The following INTS5 variants were observed in gnomAD, a reference collection of about 807,000 sequenced individuals.
INTS5 encodes KIAA1698.
A neutral mutation model predicts 60.0 loss-of-function variants in INTS5; 29 were observed. The ratio of observed to expected loss-of-function variants is 0.48; its 90% confidence interval spans 0.36 to 0.66. INTS5 has a LOEUF of 0.66. Ranked by LOEUF, INTS5 falls within the 30% of genes least tolerant of loss-of-function variation. The pLI, the probability that INTS5 is intolerant of heterozygous loss-of-function variation, is 0.00. For synonymous variants in INTS5, 588 were observed against 558.8 expected (o/e 1.05, Z -0.74); for missense variants, 1,129 against 1,307.9 (o/e 0.86, Z 2.11).
Position 62,649,172 on chromosome 11 carries a change from G to A in INTS5, c.908C>T (p.Ser303Phe). Residue 303 changes from serine (S) to phenylalanine (F), a missense_variant, in exon 2 of 2, where the codon TCC becomes TTC. Physicochemically the swap from Ser to Phe is radical, Grantham distance 155. Coordinates refer to ENST00000330574, the MANE Select transcript of INTS5 (RefSeq NM_030628.2). This position sits in a 1 kb window ranked among gnomAD's most constrained non-coding sequence, Gnocchi z 6.0. ...CCGTCGGATGCTATCTCCGTGGCGG[G>A]AGGCCAGGTGACCTAGGATGCCTAC... is the stretch of plus-strand genomic sequence containing the variant. ...SVVGILGHLASRHGDSIRREL... is the reference protein window; with the variant it reads ...SVVGILGHLAFRHGDSIRREL... The A allele has an allele frequency of 1.2e-6, 2 of 1,613,870 alleles. No homozygotes were observed. The highest frequency in any genetic ancestry group is 1.7e-6 in the Non-Finnish European group (2 of 1,179,778).
At position 62,649,856 on chromosome 11, in the gene INTS5, T is replaced by C; in HGVS notation, c.224A>G (p.Asp75Gly). 6.2e-7 allele frequency: 1 copy of C among 1,614,052 alleles called. No individual in the cohort carries two copies. The highest frequency in any genetic ancestry group is 8.5e-7 in the Non-Finnish European group (1 of 1,180,008). ...CTCATCAAAGACACCTCTCAAGTGG[T>C]CAAGCACAGCAGCCCGAGCAGGTGG... ...SLPPARAAVLDHLRGVFDESV... is the reference protein window; with the variant it reads ...SLPPARAAVLGHLRGVFDESV... Residue 75 changes from aspartate (D) to glycine (G), a missense_variant, in exon 2 of 2, where the codon GAC becomes GGC. Asp to Gly is a moderately conservative substitution (Grantham distance 94, BLOSUM62 -1). This residue lies in a region of INTS5 where 1,070 missense variants were observed against 1,246.1 expected (regional missense o/e 0.86). Coordinates refer to ENST00000330574, the MANE Select transcript of INTS5 (RefSeq NM_030628.2). The surrounding 1 kb of genome is among the most constrained non-coding windows in gnomAD (Gnocchi z 6.0).
intron 1 of INTS5, among the ~76,000 whole-genome samples, chr11:62,652,639 G>C (rs899769733): frequency 6.6e-6 from 1 of 152,078 alleles, no homozygotes; most frequent in African/African-American, 2.4e-5. Context: ...AGTCTCAGAG[G>C]TTCAGAAGCC....
In INTS5 at chr11:62,649,459, C is replaced by G; in HGVS notation, c.621G>C (p.Ala207=). ...LSALIGSCPD[A]CVDALLDTSV... is the part of the protein sequence containing the mutation. ...AGGTATCCAGCAAGGCATCCACACA[C>G]GCATCTGGGCAGCTACCAATGAGAG... is the stretch of plus-strand genomic sequence containing the variant. Residue 207 remains alanine (A), a synonymous_variant, in exon 2 of 2, where the codon GCG becomes GCC. Coordinates refer to ENST00000330574, the MANE Select transcript of INTS5 (RefSeq NM_030628.2). This position sits in a 1 kb window ranked among gnomAD's most constrained non-coding sequence, Gnocchi z 6.0. 2 of 1,614,212 alleles carry G rather than the reference C, an allele frequency of 1.2e-6. No homozygotes were observed. Among genetic ancestry groups the G allele is most frequent in the Non-Finnish European group, 1.7e-6 (2 of 1,180,032 alleles).
At chr11:62,651,260 G>A (rs1036706975) in intron 1 of INTS5, among the ~76,000 whole-genome samples, 15 of 151,702 alleles carry the variant, frequency 9.9e-5, no homozygotes, top group Admixed American at 6.6e-4. Context: ...ACAGGCGCCC[G>A]CCACCACGCC....
In INTS5 at chr11:62,649,521, G is replaced by A. The variant is rs746468648; in HGVS notation, c.559C>T (p.Arg187Cys). 14 of 1,614,082 alleles carry A rather than the reference G, an allele frequency of 8.7e-6. No homozygotes were observed. Among genetic ancestry groups the A allele is most frequent in the African/African-American group, 6.7e-5 (5 of 74,934 alleles). The change falls in exon 2 of 2, where the codon CGT (arginine) becomes TGT (cysteine). Residue 187 changes from arginine (R) to cysteine (C), a missense_variant. Coordinates refer to ENST00000330574, the MANE Select transcript of INTS5 (RefSeq NM_030628.2). The surrounding 1 kb of genome is among the most constrained non-coding windows in gnomAD (Gnocchi z 6.0). ...TGCACATAGATGTCCATTAATGTACGCGTGGCCCTACAACCCATCCACAGC... is the reference window on the plus strand; with the variant it reads ...TGCACATAGATGTCCATTAATGTACACGTGGCCCTACAACCCATCCACAGC... ...LQLWMGCRAT[R>C]TLMDIYVQCL...
chr11:62,649,262 G>A lies in INTS5; in HGVS notation c.818C>T (p.Thr273Ile). ...SGGSSSQTPS[T>I]DPFPGSPAIP... Reference sequence around the variant, plus strand: ...GGCAGGAGATCCAGGGAAGGGGTCTGTAGAGGGGGTCTGAGAAGAGCTTCC... The same window carrying A: ...GGCAGGAGATCCAGGGAAGGGGTCTATAGAGGGGGTCTGAGAAGAGCTTCC... Residue 273 changes from threonine (T) to isoleucine (I), a missense_variant, in exon 2 of 2, where the codon ACA becomes ATA. Thr to Ile is a moderately conservative substitution (Grantham distance 89). Around this residue, in one of 3 missense-constraint regions of INTS5, gnomAD observed 1,070 missense variants for 1,246.1 expected, o/e 0.86. Coordinates refer to ENST00000330574, the MANE Select transcript of INTS5 (RefSeq NM_030628.2). This position sits in a 1 kb window ranked among gnomAD's most constrained non-coding sequence, Gnocchi z 6.0. 1 of 1,614,136 alleles carries A rather than the reference G, an allele frequency of 6.2e-7. No individual in the cohort carries two copies. Among genetic ancestry groups the A allele is most frequent in the Non-Finnish European group, 8.5e-7 (1 of 1,180,006 alleles).
chr11:62,652,303 G>T (rs1046933231), intron 1 of INTS5, among the ~76,000 whole-genome samples: 11 of 151,722 alleles, frequency 7.3e-5, no homozygotes, highest in Non-Finnish European at 1.6e-4. Context: ...TGGGAGTCAG[G>T]GCGACCATCT....
Position 62,653,027 on chromosome 11 carries a change from G to A in INTS5, c.80+143C>T, listed in dbSNP as rs1045849498. The A allele has an allele frequency of 2.1e-4, 106 of 499,580 alleles. 1 individual carries two copies. Among genetic ancestry groups the A allele is most frequent in the Non-Finnish European group, 2.4e-4 (77 of 315,532 alleles). 30.9% of individuals were successfully genotyped at this position (499,580 alleles called of 1,614,324 possible). On this transcript the variant is annotated intron_variant, in intron 1 of 1. Coordinates refer to ENST00000330574, the MANE Select transcript of INTS5 (RefSeq NM_030628.2). ...TGGAGCCCTGAGTTTTGGTGAAGCA[G>A]TCCCTGAGTTCTGGGAGGACCTGAC... is the stretch of plus-strand genomic sequence containing the variant.
rs768826521 is a variant in INTS5, at chr11:62,647,102, TGGA to T, written c.2975_2977del (p.Leu992del). ...AAGACCTAGGCGGTCGATGTTGCGG[TGGA>T]GGACACTGTGCAGCACAGCCAGATG... is the stretch of plus-strand genomic sequence containing the variant. On this transcript the variant is annotated inframe_deletion, in exon 2 of 2. Transcript: ENST00000330574. The T allele has an allele frequency of 1.9e-6, 3 of 1,614,016 alleles. No individual in the cohort carries two copies. Among genetic ancestry groups the T allele is most frequent in the Non-Finnish European group, 2.5e-6 (3 of 1,179,992 alleles).
chr11:62,647,143 A>C lies in INTS5; in HGVS notation c.2937T>G (p.Gly979=). 6.2e-7 allele frequency: 1 copy of C among 1,613,994 alleles called. No individual in the cohort carries two copies. Among genetic ancestry groups the C allele is most frequent in the African/African-American group, 1.3e-5 (1 of 74,980 alleles). The change falls in exon 2 of 2, where the codon GGT becomes GGG. Residue 979 remains glycine, a synonymous_variant. Transcript: ENST00000330574. Reference sequence around the variant, plus strand: ...GCACAGCCAGATGGGGTCCACCCTCACCTCCACCCTCCCTGGAGAAGTCCC... The same window carrying C: ...GCACAGCCAGATGGGGTCCACCCTCCCCTCCACCCTCCCTGGAGAAGTCCC... ...FIRDFSREGG[G]EGGPHLAVLH...
intron 1 of INTS5, 53 bp from the exon 2 acceptor site, chr11:62,650,052 C>T: frequency 7.2e-7 from 1 of 1,389,312 alleles, no homozygotes; most frequent in Non-Finnish European, 1.0e-6. Flanking sequence ...TGTTAGGCAA[C>T]TTACCTTTCC....
At chr11:62,651,330 T>C (rs1351600826) in intron 1 of INTS5, among the ~76,000 whole-genome samples, 1 of 151,718 alleles carries the variant, frequency 6.6e-6, no homozygotes, top group Non-Finnish European at 1.5e-5. Flanking sequence ...TTAGCCAGGA[T>C]GGTCTCGATC....
In INTS5 at chr11:62,649,027, C is replaced by G. The variant is rs1461747606; in HGVS notation, c.1053G>C (p.Leu351Phe). Residue 351 changes from leucine to phenylalanine, a missense_variant, in exon 2 of 2, where the codon TTG becomes TTC. Leu to Phe is a conservative substitution (Grantham distance 22). Transcript: ENST00000330574. This position sits in a 1 kb window ranked among gnomAD's most constrained non-coding sequence, Gnocchi z 6.0. ...LLQLAVMSPA[L>F]LGTVSGELVD... ...CAAGCTCTCCAGAGACAGTGCCCAG[C>G]AAAGCTGGTGACATGACTGCCAGCT... 2 of 1,612,818 alleles carry G rather than the reference C, an allele frequency of 1.2e-6. No homozygotes were observed. Among genetic ancestry groups the G allele is most frequent in the Admixed American group, 3.3e-5 (2 of 59,988 alleles).
rs752563287 is a variant in INTS5, at chr11:62,648,074, G to A, written c.2006C>T (p.Ser669Leu). Residue 669 changes from serine to leucine, a missense_variant, in exon 2 of 2, where the codon TCA (serine) becomes TTA (leucine). This residue lies in a region of INTS5 where 1,070 missense variants were observed against 1,246.1 expected (regional missense o/e 0.86). Transcript: ENST00000330574. The surrounding 1 kb of genome is among the most constrained non-coding windows in gnomAD (Gnocchi z 4.4). ...CAGGCGGGTGAGAAGCTGACAGGCT[G>A]AGGCCACACCTGGGGGTCCATGCAG... is the stretch of plus-strand genomic sequence containing the variant. Reference protein sequence around the residue: ...LRLHGPPGVASACQLLTRLSQ... With the variant: ...LRLHGPPGVALACQLLTRLSQ... 3 of 1,614,164 alleles carry A rather than the reference G, an allele frequency of 1.9e-6. No individual in the cohort carries two copies. Among genetic ancestry groups the A allele is most frequent in the Middle Eastern group, 1.6e-4 (1 of 6,062 alleles).
chr11:62,648,349 G>C lies in INTS5; in HGVS notation c.1731C>G (p.Asn577Lys). 1 of 1,614,040 alleles carries C rather than the reference G, an allele frequency of 6.2e-7. No individual in the cohort carries two copies. The highest frequency in any genetic ancestry group is 8.5e-7 in the Non-Finnish European group (1 of 1,180,010). ...QPPFTARFLR[N>K]LALLVGWEQQ... is the part of the protein sequence containing the mutation. Reference sequence around the variant, plus strand: ...GTTCCCACCCTACTAGCAGTGCCAAGTTGCGCAGGAACCGGGCCGTGAAGG... The same window carrying C: ...GTTCCCACCCTACTAGCAGTGCCAACTTGCGCAGGAACCGGGCCGTGAAGG... Residue 577 changes from asparagine to lysine, a missense_variant, in exon 2 of 2, where the codon AAC (asparagine) becomes AAG (lysine). By Grantham distance (94) the Asn-to-Lys change is moderately conservative (BLOSUM62 0). Coordinates refer to ENST00000330574, the MANE Select transcript of INTS5 (RefSeq NM_030628.2). The surrounding 1 kb of genome is among the most constrained non-coding windows in gnomAD (Gnocchi z 4.4).
Position 62,653,229 on chromosome 11 carries a change from A to T in INTS5, c.21T>A (p.Pro7=). The T allele has an allele frequency of 8.0e-7, 1 of 1,245,556 alleles. No homozygotes were observed. Among genetic ancestry groups the T allele is most frequent in the South Asian group, 4.1e-5 (1 of 24,362 alleles). The allele number at this position is 1,245,556 out of a possible 1,614,324, so 77.2% of individuals were successfully genotyped here. ...GCCCAGGTGGCCCTGGGGCCCCGGG[A>T]GGGTCGCACAGCGCGGACATCCCGG... is the stretch of plus-strand genomic sequence containing the variant. MSALCD[P]PGAPGPPGPA... is the part of the protein sequence containing the mutation. The change falls in exon 1 of 2, where the codon CCT becomes CCA. Residue 7 remains proline, a synonymous_variant. Transcript: ENST00000330574.
Position 62,648,471 on chromosome 11 carries a change from G to C in INTS5, c.1609C>G (p.Gln537Glu). ...RSPEELSLAT[Q>E]LYAGLVVSLS... The stretch of plus-strand genomic sequence containing the variant: ...CTGACCACTAGCCCTGCATATAACT[G>C]GGTGGCCAAACTCAACTCTTCAGGG... The change falls in exon 2 of 2, where the codon CAG (glutamine) becomes GAG (glutamate). Residue 537 changes from glutamine (Q) to glutamate (E), a missense_variant. Transcript: ENST00000330574. The surrounding 1 kb of genome is among the most constrained non-coding windows in gnomAD (Gnocchi z 4.4). 2 of 1,614,194 alleles carry C rather than the reference G, an allele frequency of 1.2e-6. No individual in the cohort carries two copies. The highest frequency in any genetic ancestry group is 1.7e-6 in the Non-Finnish European group (2 of 1,180,046).
rs145866941 is a variant in INTS5 at position 62,647,954 on chromosome 11, A to G, written c.2126T>C (p.Val709Ala). 3.1e-6 allele frequency: 5 copies of G among 1,614,050 alleles called. No individual in the cohort carries two copies. In the African/African-American group the frequency reaches 6.7e-5, roughly 22 times the overall value. Residue 709 changes from valine (V) to alanine (A), a missense_variant, in exon 2 of 2, where the codon GTA (valine) becomes GCA (alanine). Around this residue, in one of 3 missense-constraint regions of INTS5, gnomAD observed 1,070 missense variants for 1,246.1 expected, o/e 0.86. Coordinates refer to ENST00000330574, the MANE Select transcript of INTS5 (RefSeq NM_030628.2). Reference sequence around the variant, plus strand: ...TGAGAGAGTCTCATTGTCCCCATCTACTTGCCCACCAAACAGTTCTGTGTT... The same window carrying G: ...TGAGAGAGTCTCATTGTCCCCATCTGCTTGCCCACCAAACAGTTCTGTGTT... The part of the protein sequence containing the change: ...RGNTELFGGQ[V>A]DGDNETLSVV...
rs2134582162 is a variant in INTS5 at position 62,649,879 on chromosome 11, T to C, written c.201A>G (p.Pro67=). 1 of 1,614,100 alleles carries C rather than the reference T, an allele frequency of 6.2e-7. No individual in the cohort carries two copies. The highest frequency in any genetic ancestry group is 1.1e-5 in the South Asian group (1 of 91,076). The change falls in exon 2 of 2, where the codon CCA becomes CCG. Residue 67 remains proline, a synonymous_variant. Transcript: ENST00000330574. The surrounding 1 kb of genome is among the most constrained non-coding windows in gnomAD (Gnocchi z 6.0). ...RCGLLLLRSL[P]PARAAVLDHL... ...GGTCAAGCACAGCAGCCCGAGCAGG[T>C]GGCAAAGAACGGAGCAGGAGAAGAC...
Sources: gnomAD v4.1 joint callset for allele counts (sites outside exome capture counted in the v4.1 genomes callset) on GRCh38, gnomAD v4.1.1 for gene constraint, gnomAD v4.1.1 regional missense constraint, Gnocchi (gnomAD v3.1) non-coding constraint, MANE v1.5 for transcripts, NCBI Gene and HGNC (gene_info 2026-07-23, HGNC 2026-07-21) for gene names.